DNAH17: variants seen among roughly 807,000 people sequenced by gnomAD.
DNAH17 encodes the protein dynein axonemal heavy chain 17.
In DNAH17, 376 loss-of-function variants were observed where a neutral mutation model predicts 485.6. The ratio of observed to expected loss-of-function variants is 0.77; its 90% confidence interval spans 0.71 to 0.84. DNAH17 has a LOEUF of 0.84. Among genes scored for constraint, DNAH17 ranks in the 40% least tolerant of loss-of-function variants. The probability of loss-of-function intolerance (pLI) is 0.00; values close to 1 mark genes in which losing one functional copy is unlikely to be tolerated. For synonymous variants in DNAH17, 3,031 were observed against 2,405.9 expected (o/e 1.26, Z -7.60); for missense variants, 6,370 against 5,839.3 (o/e 1.09, Z -2.96).
At chr17:78,569,082 G>A (rs191022837) in intron 9 of DNAH17, 84 bp downstream of exon 9, 4 of 1,064,168 alleles carry the variant, frequency 3.8e-6, no homozygotes, top group Admixed American at 4.6e-5. Context: ...ATTGGCAAGG[G>A]GGGTAGGGAT....
At chr17:78,425,185 G>C in intron 80 of DNAH17, 161 bp downstream of exon 80, 1 of 676,618 alleles carries the variant, frequency 1.5e-6, no homozygotes, top group Non-Finnish European at 2.5e-6. Flanking sequence ...TAGGGTCAGC[G>C]TGGCTCTGAC....
chr17:78,569,106 G>T, intron 9 of DNAH17, 60 bp downstream of exon 9: 1 of 1,356,802 alleles, frequency 7.4e-7, no homozygotes, highest in Non-Finnish European at 1.0e-6. Context: ...CGCTGCAGGT[G>T]TCCTAGGGTA....
At chr17:78,560,963 C>G (rs1448451854) in intron 12 of DNAH17, 28 bp from the exon 13 acceptor site, 4 of 1,537,312 alleles carry the variant, frequency 2.6e-6, no homozygotes, top group Non-Finnish European at 2.6e-6. Flanking sequence ...AGGCGAGGCC[C>G]CACTGGATAT....
intron 48 of DNAH17, among the ~76,000 whole-genome samples, chr17:78,484,073 GAGAC>G (rs1263318826): frequency 1.8e-5 from 2 of 110,506 alleles, no homozygotes; most frequent in African/African-American, 3.6e-5. Context: ...TCCAGCCTGA[GAGAC>G]AGAGCGAGAT....
At chr17:78,530,231 C>T in intron 21 of DNAH17, 112 bp downstream of exon 21, 1 of 1,310,768 alleles carries the variant, frequency 7.6e-7, no homozygotes. Context: ...AGCCTCCACC[C>T]CCTGCTACCC....
chr17:78,490,877 CTAAGGCGACACCT>C, intron 43 of DNAH17, 30 bp from the exon 44 acceptor site: 10 of 1,561,498 alleles, frequency 6.4e-6, no homozygotes, highest in Non-Finnish European at 7.0e-6. Context: ...CCGTGGGGTC[CTAAGGCGACACCT>C]GCCATCCCAA....
In DNAH17 at chr17:78,529,556, G is replaced by A; in HGVS notation, c.3423C>T (p.Asn1141=). The A allele has an allele frequency of 6.2e-7, 1 of 1,613,966 alleles. No individual in the cohort carries two copies. The highest frequency in any genetic ancestry group is 1.7e-5 in the Admixed American group (1 of 60,020). ...TGGTTTGCTTCAGGGGCTCAAACAT[G>A]TTGTCGGTGGCTGCTTGCCTCTCCT... is the stretch of plus-strand genomic sequence containing the variant. ...KVKERQAATD[N]MFEPLKQTIE... The change falls in exon 22 of 81, where the codon AAC becomes AAT. Residue 1141 remains asparagine (N), a synonymous_variant. Transcript: ENST00000389840.
chr17:78,478,014 T>TCTC lies in DNAH17; in HGVS notation c.7992+1010_7992+1011insGAG, dbSNP rs1568117409. On this transcript the variant is annotated intron_variant, in intron 51 of 80. Coordinates refer to ENST00000389840, the MANE Select transcript of DNAH17 (RefSeq NM_173628.4). The stretch of plus-strand genomic sequence containing the variant: ...ATCACCACCACCATCATCACCATCA[T>TCTC]CACCATCACCACCACCATCACACCA... 1.8e-3 allele frequency among the ~76,000 whole-genome samples: 214 copies of TCTC among 115,840 alleles called. 4 individuals carry two copies. The highest frequency in any genetic ancestry group is 6.6e-3 in the African/African-American group (191 of 28,808). 76.0% of individuals were successfully genotyped at this position (115,840 alleles called of 152,430 possible).
At position 78,475,832 on chromosome 17, in the gene DNAH17, T is replaced by C; in HGVS notation, c.8156A>G (p.Asp2719Gly). The C allele has an allele frequency of 6.2e-7, 1 of 1,606,030 alleles. No homozygotes were observed. The highest frequency in any genetic ancestry group is 8.5e-7 in the Non-Finnish European group (1 of 1,177,762). The change falls in exon 53 of 81, where the codon GAT becomes GGT. Residue 2719 changes from aspartate (D) to glycine (G), a missense_variant and splice_region_variant. Asp to Gly is a moderately conservative substitution (Grantham distance 94). Coordinates refer to ENST00000389840, the MANE Select transcript of DNAH17 (RefSeq NM_173628.4). Reference sequence around the variant, plus strand: ...GGCAAATAAGAGTTCATCACCAAGATCCTAGAAAAAGAAAAAAAAAGACGA... The same window carrying C: ...GGCAAATAAGAGTTCATCACCAAGACCCTAGAAAAAGAAAAAAAAAGACGA... ...TMASTKKFFD[D>G]LGDELLFAKP...
At chr17:78,553,728 T>C (rs1201000908) in intron 14 of DNAH17, among the ~76,000 whole-genome samples, 1 of 152,240 alleles carries the variant, frequency 6.6e-6, no homozygotes, top group Non-Finnish European at 1.5e-5. Flanking sequence ...TTTTATGTTA[T>C]AGTATTCCTA....
At chr17:78,550,499 G>C (rs2091878603) in intron 16 of DNAH17, among the ~76,000 whole-genome samples, 1 of 40,760 alleles carries the variant, frequency 2.5e-5, no homozygotes. Flanking sequence ...CATTAGTGTG[G>C]GCCCTCATCC....
chr17:78,427,595 A>G (rs1003110047), intron 77 of DNAH17, among the ~76,000 whole-genome samples: 1 of 152,218 alleles, frequency 6.6e-6, no homozygotes, highest in African/African-American at 2.4e-5. Flanking sequence ...CCTAATAGGA[A>G]TAAGGGTCTC....
At chr17:78,473,054 G>C (rs374417333) in intron 54 of DNAH17, among the ~76,000 whole-genome samples, 1 of 152,154 alleles carries the variant, frequency 6.6e-6, no homozygotes, top group Admixed American at 6.5e-5. Flanking sequence ...CACAGCTTCC[G>C]GGACCTACTT....
chr17:78,560,839 C>T lies in DNAH17; in HGVS notation c.1932G>A (p.Trp644Ter). Residue 644 changes from tryptophan to a stop codon, truncating the protein, a stop_gained, in exon 13 of 81, where the codon TGG (tryptophan) becomes TGA (stop). Transcript: ENST00000389840. LOFTEE classifies it high-confidence loss of function. ...RCHREKIYQQ[W>*]VAGVDQDCHF... ...GGCAGTCCTGGTCCACGCCCGCCAC[C>T]CACTGCTGGTAGATCTTCTCGCGGT... is the stretch of plus-strand genomic sequence containing the variant. The T allele has an allele frequency of 6.4e-7, 1 of 1,551,874 alleles. No individual in the cohort carries two copies.
rs1338907296 is a variant in DNAH17, at chr17:78,566,590, C to T, written c.1569+24G>A. The stretch of plus-strand genomic sequence containing the variant: ...ACCACAGTGCCAGGCTCCAGATCTG[C>T]CTGCGTCTCCACTGCATGCTTACCT... On this transcript the variant is annotated intron_variant, in intron 11 of 80. Transcript: ENST00000389840. 4.6e-6 allele frequency: 7 copies of T among 1,521,816 alleles called. No homozygotes were observed. The Admixed American group carries it at 1.1e-4, about 24-fold the overall frequency. The allele number at this position is 1,521,816 out of a possible 1,614,324, so 94.3% of individuals were successfully genotyped here. A position where few individuals can be genotyped will look rare whatever the true frequency, so the allele number is the denominator to read the frequency against.
In DNAH17 at chr17:78,455,631, C is replaced by T. The variant is rs2087760569; in HGVS notation, c.10170+13G>A. 6.5e-7 allele frequency: 1 copy of T among 1,531,690 alleles called. No individual in the cohort carries two copies. The allele number at this position is 1,531,690 out of a possible 1,614,324, so 94.9% of individuals were successfully genotyped here. On this transcript the variant is annotated intron_variant, in intron 63 of 80. Transcript: ENST00000389840. ...CGTGAGCCACCGCGCCTGGCCAGGA[C>T]TCCACTCCTTACCTTTAAGTTATGT...
Position 78,541,297 on chromosome 17 carries a change from G to A in DNAH17, c.2533-1417C>T, listed in dbSNP as rs1242832108. 1.2e-3 allele frequency among the ~76,000 whole-genome samples: 109 copies of A among 93,300 alleles called. 4 individuals are homozygous for A. Among genetic ancestry groups the A allele is most frequent in the African/African-American group, 5.5e-3 (105 of 19,138 alleles). 61.2% of individuals were successfully genotyped at this position (93,300 alleles called of 152,430 possible). On this transcript the variant is annotated intron_variant, in intron 17 of 80. Transcript: ENST00000389840. Reference sequence around the variant, plus strand: ...GGGTAAGCAAGCAGATGGGTGGGTGGGGTGGGTGGGTGAGTGAGTGGATGG... The same window carrying A: ...GGGTAAGCAAGCAGATGGGTGGGTGAGGTGGGTGGGTGAGTGAGTGGATGG...
intron 64 of DNAH17, among the ~76,000 whole-genome samples, 176 bp from the exon 65 acceptor site, chr17:78,453,641 T>C (rs1598474593): frequency 6.6e-6 from 1 of 152,324 alleles, no homozygotes; most frequent in East Asian, 1.9e-4. Context: ...CCGAGGGGCT[T>C]CTTTGTAAAC....
Position 78,451,366 on chromosome 17 carries a change from C to T in DNAH17, c.10734+103G>A, listed in dbSNP as rs2087543630. 1.6e-5 allele frequency: 17 copies of T among 1,082,692 alleles called. No homozygotes were observed. The South Asian group carries it at 2.7e-4, about 17-fold the overall frequency. 67.1% of individuals were successfully genotyped at this position (1,082,692 alleles called of 1,614,324 possible). On this transcript the variant is annotated intron_variant, in intron 66 of 80. Transcript: ENST00000389840. ...AGGCACCTTCAGAGAGAAGCAACGA[C>T]ACACACTGGACTGGCAGCCCTGGTC...
Sources: allele counts gnomAD v4.1 joint callset (sites outside exome capture counted in the v4.1 genomes callset), GRCh38; gene constraint gnomAD v4.1.1; transcripts MANE v1.5; gene names NCBI Gene and HGNC (gene_info 2026-07-23, HGNC 2026-07-21).